The following COL6A6 variants were observed in gnomAD, a reference collection of about 807,000 sequenced individuals.
COL6A6 encodes the protein collagen alpha-6(VI) chain.
Under a neutral mutation model 208.6 loss-of-function variants are expected in COL6A6, and 183 were observed. That is an observed-to-expected ratio of 0.88 (90% CI 0.78 to 0.99). The LOEUF is 0.99. COL6A6 is among the 50% of genes least tolerant of loss of function. The pLI, the probability that COL6A6 is intolerant of heterozygous loss-of-function variation, is 0.00. For missense variants in COL6A6, 2,816 were observed against 2,815.2 expected (o/e 1.00, Z -0.01); for synonymous variants, 973 against 1,011.8 (o/e 0.96, Z 0.73).
At chr3:130,673,224 A>G (rs1310239937) in intron 36 of COL6A6, among the ~76,000 whole-genome samples, 3 of 151,466 alleles carry the variant, frequency 2.0e-5, no homozygotes, top group Admixed American at 1.3e-4. Context: ...AAACAAAAAA[A>G]AAAAACAAAA....
chr3:130,535,346 T>G (rs1158358178), intron 1 of COL6A6, among the ~76,000 whole-genome samples: 1 of 152,318 alleles, frequency 6.6e-6, no homozygotes, highest in South Asian at 2.1e-4. Context: ...TTTTTCAAAT[T>G]CATACCTCAT....
In COL6A6 at chr3:130,582,001, A is replaced by G; in HGVS notation, c.3903A>G (p.Leu1301=). Residue 1301 remains leucine, a synonymous_variant, in exon 10 of 37, where the codon TTA becomes TTG. Transcript: ENST00000358511. ...KSAARGKVVL[L]FSDGLDDDVE... is the part of the protein sequence containing the mutation. ...GAATACTTTCTTAGGTGGTCCTTTT[A>G]TTTTCAGATGGATTGGATGATGATG... is the stretch of plus-strand genomic sequence containing the variant. The G allele has an allele frequency of 6.2e-7, 1 of 1,609,590 alleles. No individual in the cohort carries two copies. Among genetic ancestry groups the G allele is most frequent in the Non-Finnish European group, 8.5e-7 (1 of 1,178,046 alleles).
intron 8 of COL6A6, among the ~76,000 whole-genome samples, chr3:130,577,833 G>A (rs915174128): frequency 6.6e-6 from 1 of 152,232 alleles, no homozygotes. Flanking sequence ...TAATATCATA[G>A]CACGTTGCTG....
At chr3:130,610,783 C>T (rs1477090053) in intron 23 of COL6A6, 72 bp downstream of exon 23, 1 of 1,128,818 alleles carries the variant, frequency 8.9e-7, no homozygotes, top group Non-Finnish European at 1.3e-6. Flanking sequence ...TTCTTCCATA[C>T]AGGTGGAGTT....
intron 1 of COL6A6, among the ~76,000 whole-genome samples, chr3:130,543,956 G>T (rs1251762871): frequency 6.6e-6 from 1 of 151,930 alleles, no homozygotes; most frequent in African/African-American, 2.4e-5. Flanking sequence ...ATGATATTTT[G>T]ATATATATAG....
intron 36 of COL6A6, among the ~76,000 whole-genome samples, chr3:130,672,060 C>T (rs1378695418): frequency 6.6e-6 from 1 of 152,310 alleles, no homozygotes; most frequent in Non-Finnish European, 1.5e-5. Flanking sequence ...TCTGGGCACA[C>T]CAAATGTAAA....
intron 33 of COL6A6, among the ~76,000 whole-genome samples, chr3:130,654,123 T>C (rs1402812796): frequency 6.6e-6 from 1 of 152,160 alleles, no homozygotes; most frequent in Non-Finnish European, 1.5e-5. Context: ...GATAAAAAAC[T>C]CTAATCATAA....
At chr3:130,530,172 G>A (rs1465268494) in intron 1 of COL6A6, among the ~76,000 whole-genome samples, 1 of 151,034 alleles carries the variant, frequency 6.6e-6, no homozygotes, top group Non-Finnish European at 1.5e-5. Flanking sequence ...TCGAAACCCT[G>A]GCTCTGTTGC....
At chr3:130,602,875 A>AT (rs1177602331) in intron 20 of COL6A6, among the ~76,000 whole-genome samples, 2 of 152,164 alleles carry the variant, frequency 1.3e-5, no homozygotes, top group African/African-American at 4.8e-5. Flanking sequence ...GTATTCAAAT[A>AT]TTTTTTAAAT....
rs751683901 is a variant in COL6A6, at chr3:130,564,991, C to G, written c.662-3C>G. 8.1e-6 allele frequency: 13 copies of G among 1,610,688 alleles called. No homozygotes were observed. Among genetic ancestry groups the G allele is most frequent in the Non-Finnish European group, 4.2e-6 (5 of 1,177,908 alleles). On this transcript the variant is annotated splice_polypyrimidine_tract_variant and splice_region_variant and intron_variant, in intron 3 of 36. Coordinates refer to ENST00000358511, the MANE Select transcript of COL6A6 (RefSeq NM_001102608.3). ...TTGTGCTTGTTTATTTCTTGCCACA[C>G]AGCTTGCCAAGGCCCTTCTATGGCC...
intron 23 of COL6A6, among the ~76,000 whole-genome samples, chr3:130,619,416 G>A (rs2064638707): frequency 6.6e-6 from 1 of 152,164 alleles, no homozygotes; most frequent in Admixed American, 6.5e-5. Context: ...TGAATCACTT[G>A]CTTTGATGTG....
At chr3:130,601,513 C>G (rs1182042644) in intron 20 of COL6A6, among the ~76,000 whole-genome samples, 1 of 152,184 alleles carries the variant, frequency 6.6e-6, no homozygotes, top group Non-Finnish European at 1.5e-5. Context: ...AGCTTATATA[C>G]CCCTGGAAAA....
intron 1 of COL6A6, among the ~76,000 whole-genome samples, chr3:130,536,282 C>T (rs1477234829): frequency 6.6e-6 from 1 of 152,224 alleles, no homozygotes; most frequent in East Asian, 1.9e-4. Flanking sequence ...TGTCCTTACA[C>T]AAGAGACACC....
chr3:130,610,527 T>C (rs1172719467), intron 22 of COL6A6, 122 bp from the exon 23 acceptor site: 3 of 740,164 alleles, frequency 4.1e-6, no homozygotes, highest in Non-Finnish European at 6.9e-6. Context: ...AAAGGCATGA[T>C]TGGAGCTCTC....
intron 1 of COL6A6, among the ~76,000 whole-genome samples, chr3:130,529,117 T>C (rs116072865): frequency 0.016 from 2,363 of 152,150 alleles, 58 homozygotes; most frequent in African/African-American, 0.053. Context: ...TGAGAGCCAC[T>C]CTGGGCCTCA....
intron 2 of COL6A6, among the ~76,000 whole-genome samples, chr3:130,562,411 T>C (rs1056708891): frequency 1.3e-5 from 2 of 152,332 alleles, no homozygotes; most frequent in African/African-American, 4.8e-5. Context: ...TCACCAATTA[T>C]AATATAATGC....
intron 13 of COL6A6, among the ~76,000 whole-genome samples, chr3:130,591,751 G>A (rs1192297476): frequency 6.6e-6 from 1 of 152,190 alleles, no homozygotes; most frequent in Non-Finnish European, 1.5e-5. Flanking sequence ...TTTTACACAA[G>A]GGCTAGACTA....
intron 13 of COL6A6, among the ~76,000 whole-genome samples, chr3:130,592,261 G>T (rs1207831802): frequency 6.6e-6 from 1 of 152,162 alleles, no homozygotes; most frequent in Non-Finnish European, 1.5e-5. Context: ...AGGACAGTAT[G>T]ACTAGATATG....
intron 1 of COL6A6, among the ~76,000 whole-genome samples, chr3:130,555,142 G>C (rs763992954): frequency 5.1e-4 from 78 of 152,146 alleles, no homozygotes; most frequent in Non-Finnish European, 8.7e-4. Context: ...CAAACTCTTT[G>C]GGCTCTGCAT....
Sources: gnomAD v4.1 joint callset for allele counts (sites outside exome capture counted in the v4.1 genomes callset) on GRCh38, gnomAD v4.1.1 for gene constraint, MANE v1.5 for transcripts, NCBI Gene and HGNC (gene_info 2026-07-23, HGNC 2026-07-21) for gene names.